FMN2: variants seen among roughly 807,000 people sequenced by gnomAD.
FMN2 encodes formin 2.
In FMN2, 51 loss-of-function variants were observed where a neutral mutation model predicts 142.3. The ratio of observed to expected loss-of-function variants is 0.36; its 90% CI spans 0.29 to 0.45. The LOEUF is 0.45. FMN2 is among the 20% of genes least tolerant of loss of function. The pLI, the probability that FMN2 is intolerant of heterozygous loss-of-function variation, is 1.00. For synonymous variants in FMN2, 882 were observed against 869.8 expected, an observed-to-expected ratio of 1.01 and a Z score of -0.25; for missense variants, 1,936 against 2,122.8, an observed-to-expected ratio of 0.91 and a Z score of 1.73.
intron 14 of FMN2, among the ~76,000 whole-genome samples, chr1:240,372,638 TC>T (rs138093307): frequency 6.7e-6 from 1 of 150,024 alleles, no homozygotes. Context: ...AGGAAGAATT[TC>T]TTTTTTTTTT....
At chr1:240,345,237 G>C (rs1298893898) in intron 13 of FMN2, among the ~76,000 whole-genome samples, 1 of 152,200 alleles carries the variant, frequency 6.6e-6, no homozygotes, top group African/African-American at 2.4e-5. Context: ...GTGATTTGCA[G>C]CAGTGCCTGA....
At chr1:240,112,214 C>T (rs2103196601) in intron 1 of FMN2, among the ~76,000 whole-genome samples, 1 of 149,170 alleles carries the variant, frequency 6.7e-6, no homozygotes, top group South Asian at 2.2e-4. Context: ...TCACTGCAAC[C>T]TCCACCTCCT....
At chr1:240,196,686 T>C (rs1324835305) in intron 4 of FMN2, among the ~76,000 whole-genome samples, 2 of 152,160 alleles carry the variant, frequency 1.3e-5, no homozygotes, top group Non-Finnish European at 2.9e-5. Context: ...TAAGTTTTTG[T>C]ATTTTTAGTA....
chr1:240,423,283 G>A lies in FMN2; in HGVS notation c.4911-14778G>A, dbSNP rs113245323. ...GGGGGAAGGAGGTGGAAATGAAGAC[G>A]ATGATTTAGGATTCCAAAAATTAAA... On this transcript the variant is annotated intron_variant, in intron 15 of 17. Coordinates refer to ENST00000319653, the MANE Select transcript of FMN2 (RefSeq NM_020066.5). Among the ~76,000 whole-genome samples the A allele has an allele frequency of 4.2e-3, 644 of 152,256 alleles. 4 individuals are homozygous for A. The highest frequency in any genetic ancestry group is 0.015 in the African/African-American group (617 of 41,546).
chr1:240,429,290 T>C (rs1675057897), intron 15 of FMN2, among the ~76,000 whole-genome samples: 1 of 152,240 alleles, frequency 6.6e-6, no homozygotes, highest in African/African-American at 2.4e-5. Context: ...GTTTGTTTGA[T>C]AGACATGTCT....
chr1:240,242,604 T>A (rs760490696), intron 6 of FMN2, among the ~76,000 whole-genome samples: 20 of 152,084 alleles, frequency 1.3e-4, no homozygotes, highest in Non-Finnish European at 2.8e-4. Flanking sequence ...CAAACTGAAG[T>A]CTAAAATATA....
chr1:240,439,280 AAAG>A (rs1169884292), intron 16 of FMN2, among the ~76,000 whole-genome samples: 4 of 34,224 alleles, frequency 1.2e-4, no homozygotes, highest in Non-Finnish European at 3.1e-4. Flanking sequence ...CAAAAAAAAA[AAAG>A]AAAGAAAGAA....
At chr1:240,333,323 A>G (rs1239876405) in intron 11 of FMN2, among the ~76,000 whole-genome samples, 1 of 152,122 alleles carries the variant, frequency 6.6e-6, no homozygotes, top group Non-Finnish European at 1.5e-5. Context: ...TCAAATCTCA[A>G]TTGCTGATAT....
At chr1:240,125,074 C>A (rs533495984) in intron 2 of FMN2, among the ~76,000 whole-genome samples, 1 of 152,176 alleles carries the variant, frequency 6.6e-6, no homozygotes, top group Non-Finnish European at 1.5e-5. Flanking sequence ...GCTTTAAAGA[C>A]AATGACAAAG....
At chr1:240,343,517 T>C (rs1253810139) in intron 13 of FMN2, among the ~76,000 whole-genome samples, 3 of 152,094 alleles carry the variant, frequency 2.0e-5, no homozygotes, top group Non-Finnish European at 4.4e-5. Flanking sequence ...CAGATATAAT[T>C]GCACTGAAGT....
intron 1 of FMN2, among the ~76,000 whole-genome samples, chr1:240,106,056 A>C (rs1196834756): frequency 6.6e-6 from 1 of 152,182 alleles, no homozygotes; most frequent in Non-Finnish European, 1.5e-5. Flanking sequence ...CTTACATTGA[A>C]CATTAATAAA....
chr1:240,134,325 GA>G (rs1196985778), intron 2 of FMN2, among the ~76,000 whole-genome samples: 1 of 151,982 alleles, frequency 6.6e-6, no homozygotes, highest in Non-Finnish European at 1.5e-5. Context: ...TGATAATCTT[GA>G]AAACACTTGG....
intron 16 of FMN2, 132 bp downstream of exon 16, chr1:240,438,342 G>C (rs1422708449): frequency 1.0e-6 from 1 of 974,230 alleles, no homozygotes; most frequent in Non-Finnish European, 1.5e-6. Flanking sequence ...AAGTTGAAGA[G>C]GATGCTGACA....
At position 240,121,460 on chromosome 1, in the gene FMN2, C is replaced by T. The variant is rs528760861; in HGVS notation, c.1616-1719C>T. Among the ~76,000 whole-genome samples, 3 of 151,016 alleles carry T rather than the reference C, an allele frequency of 2.0e-5. No homozygotes were observed. The East Asian group carries it at 5.9e-4, about 30-fold the overall frequency. ...GCGCGATCTCGGCTCACTGCAAGCT[C>T]CGTCTCCCGGGTTCAAGTGATTCTC... is the stretch of plus-strand genomic sequence containing the variant. On this transcript the variant is annotated intron_variant, in intron 1 of 17. Transcript: ENST00000319653.
At chr1:240,367,498 A>G (rs962904636) in intron 14 of FMN2, among the ~76,000 whole-genome samples, 15 of 152,016 alleles carry the variant, frequency 9.9e-5, no homozygotes, top group African/African-American at 1.9e-4. Flanking sequence ...GGCGGGGGGC[A>G]GTGGCTCACG....
chr1:240,211,339 A>G, intron 6 of FMN2, 104 bp downstream of exon 6: 3 of 1,126,424 alleles, frequency 2.7e-6, no homozygotes, highest in Non-Finnish European at 3.9e-6. Context: ...GTAAACCTCC[A>G]TGGATCTTAG....
At chr1:240,326,575 C>T (rs767207309) in intron 8 of FMN2, among the ~76,000 whole-genome samples, 5 of 152,176 alleles carry the variant, frequency 3.3e-5, no homozygotes, top group Non-Finnish European at 7.3e-5. Context: ...GGGAAATTTA[C>T]TGTGTCCATG....
intron 14 of FMN2, among the ~76,000 whole-genome samples, chr1:240,382,282 C>T (rs1430903510): frequency 6.6e-6 from 1 of 152,174 alleles, no homozygotes; most frequent in Admixed American, 6.5e-5. Flanking sequence ...AGTAAAAGAT[C>T]TCTGCAAGGA....
chr1:240,160,547 G>T (rs894941747), intron 2 of FMN2, among the ~76,000 whole-genome samples: 50 of 151,170 alleles, frequency 3.3e-4, no homozygotes, highest in African/African-American at 1.2e-3. Context: ...TCAGAAAAGT[G>T]TTTGATAAAC....
Sources: allele counts gnomAD v4.1 joint callset (sites outside exome capture counted in the v4.1 genomes callset), GRCh38; gene constraint gnomAD v4.1.1; transcripts MANE v1.5; gene names NCBI Gene and HGNC (gene_info 2026-07-23, HGNC 2026-07-21).